The following SPAG9 variants were observed in gnomAD, a reference collection of about 807,000 sequenced individuals.
SPAG9 encodes C-Jun-amino-terminal kinase-interacting protein 4.
SPAG9 carries 35 observed loss-of-function variants against 166.5 expected under a neutral mutation model. The observed-to-expected ratio is 0.21, with a 90% CI of 0.16 to 0.28. The LOEUF is 0.28. Ranked by LOEUF, SPAG9 falls within the 10% of genes least tolerant of loss-of-function variation. SPAG9 has a pLI of 1.00. For synonymous variants in SPAG9, 534 were observed against 565.5 expected (o/e 0.94, Z 0.79); for missense variants, 1,235 against 1,603.3 (o/e 0.77, Z 3.92).
chr17:51,007,503 ATAAT>A (rs2045276746), intron 9 of SPAG9, among the ~76,000 whole-genome samples, 177 bp from the exon 10 acceptor site: 1 of 152,128 alleles, frequency 6.6e-6, no homozygotes, highest in Non-Finnish European at 1.5e-5. Flanking sequence ...AAAATTATAA[ATAAT>A]TATTCATTAC....
At chr17:51,089,122 C>CAA (rs1220398997) in intron 1 of SPAG9, among the ~76,000 whole-genome samples, 3 of 144,824 alleles carry the variant, frequency 2.1e-5, no homozygotes, top group Non-Finnish European at 4.6e-5. Flanking sequence ...CACACACACA[C>CAA]AAAAAAAAAA....
chr17:51,018,053 G>A (rs1464716867), intron 8 of SPAG9, among the ~76,000 whole-genome samples: 1 of 152,090 alleles, frequency 6.6e-6, no homozygotes, highest in Non-Finnish European at 1.5e-5. Context: ...GAGCATCAAT[G>A]TATTTTGGAT....
Position 51,120,605 on chromosome 17 carries a change from C to T in SPAG9, c.52G>A (p.Ala18Thr). 2 of 1,612,790 alleles carry T rather than the reference C, an allele frequency of 1.2e-6. No homozygotes were observed. The highest frequency in any genetic ancestry group is 1.1e-5 in the South Asian group (1 of 90,938). The change falls in exon 1 of 30, where the codon GCC becomes ACC. Residue 18 changes from alanine (A) to threonine (T), a missense_variant. By Grantham distance (58) the Ala-to-Thr change is moderately conservative. Coordinates refer to ENST00000262013, the MANE Select transcript of SPAG9 (RefSeq NM_001130528.3). This position sits in a 1 kb window ranked among gnomAD's most constrained non-coding sequence, Gnocchi z 4.7. ...CCGGACACCCGCTCCGACATCACGGCCCCGGAGCCGCCGGGCTCCTCCTGA... is the reference window on the plus strand; with the variant it reads ...CCGGACACCCGCTCCGACATCACGGTCCCGGAGCCGCCGGGCTCCTCCTGA... ...VYQEEPGGSG[A>T]VMSERVSGLA...
chr17:51,024,643 G>A (rs1199945841), intron 6 of SPAG9, among the ~76,000 whole-genome samples: 1 of 150,880 alleles, frequency 6.6e-6, no homozygotes, highest in Non-Finnish European at 1.5e-5. Flanking sequence ...AACCCAGGAG[G>A]CAAAGGTTGC....
intron 1 of SPAG9, among the ~76,000 whole-genome samples, chr17:51,114,802 A>G (rs566825080): frequency 2.6e-5 from 4 of 152,144 alleles, no homozygotes; most frequent in African/African-American, 7.2e-5. Flanking sequence ...AAATACAAAA[A>G]TTAGCCGGGT....
chr17:51,012,319 C>T (rs2045518983), intron 9 of SPAG9, among the ~76,000 whole-genome samples: 1 of 152,138 alleles, frequency 6.6e-6, no homozygotes, highest in Non-Finnish European at 1.5e-5. Flanking sequence ...TGCCTGTAAT[C>T]CCAGCACTCT....
At chr17:51,098,395 C>T (rs930046121) in intron 1 of SPAG9, among the ~76,000 whole-genome samples, 1 of 142,354 alleles carries the variant, frequency 7.0e-6, no homozygotes, top group Non-Finnish European at 1.6e-5. Context: ...TAATCACAAA[C>T]ACCCTGAGTG....
Position 51,120,767 on chromosome 17 carries a change from G to T in SPAG9, c.-111C>A. ...GGGACGGGTACTAGGGCTGGAGCCC[G>T]GGCCGGGGCTGGGGCTGGGCCCGGC... On this transcript the variant is annotated 5_prime_UTR_variant, in exon 1 of 30. Coordinates refer to ENST00000262013, the MANE Select transcript of SPAG9 (RefSeq NM_001130528.3). The surrounding 1 kb of genome is among the most constrained non-coding windows in gnomAD (Gnocchi z 4.7). 6.3e-6 allele frequency: 6 copies of T among 955,110 alleles called. No homozygotes were observed. The highest frequency in any genetic ancestry group is 1.9e-5 in the South Asian group (1 of 52,472). 59.2% of individuals were successfully genotyped at this position (955,110 alleles called of 1,614,324 possible). A position where few individuals can be genotyped will look rare whatever the true frequency, so the allele number is the denominator to read the frequency against.
At chr17:51,008,110 A>G (rs2045303379) in intron 9 of SPAG9, among the ~76,000 whole-genome samples, 1 of 152,204 alleles carries the variant, frequency 6.6e-6, no homozygotes, top group Admixed American at 6.5e-5. Context: ...AACTATAATT[A>G]GATTGAAAAT....
chr17:50,994,160 A>G (rs1189447925), intron 18 of SPAG9, among the ~76,000 whole-genome samples: 1 of 151,894 alleles, frequency 6.6e-6, no homozygotes, highest in African/African-American at 2.4e-5. Context: ...ACCCAGGGGG[A>G]GGTAATTTAA....
intron 2 of SPAG9, among the ~76,000 whole-genome samples, chr17:51,061,612 CAAAAAAAAAAAAA>C (rs34010166): frequency 9.5e-5 from 3 of 31,726 alleles, no homozygotes; most frequent in African/African-American, 2.1e-4. Flanking sequence ...GCTCTGTCTC[CAAAAAAAAAAAAA>C]AAAAAAAAAA....
Position 50,984,951 on chromosome 17 carries a change from G to A in SPAG9, c.3060C>T (p.Gly1020=). The change falls in exon 24 of 30, where the codon GGC becomes GGT. Residue 1020 remains glycine (G), a synonymous_variant. Coordinates refer to ENST00000262013, the MANE Select transcript of SPAG9 (RefSeq NM_001130528.3). Reference sequence around the variant, plus strand: ...CTCCTCTGTGAAAGATTGCAAGGGTGCCGTCAGCCAGGGCTACTAACACGA... The same window carrying A: ...CTCCTCTGTGAAAGATTGCAAGGGTACCGTCAGCCAGGGCTACTAACACGA... ...KGIVLVALAD[G]TLAIFHRGVD... is the part of the protein sequence containing the mutation. 1.2e-6 allele frequency: 2 copies of A among 1,614,148 alleles called. No individual in the cohort carries two copies. The highest frequency in any genetic ancestry group is 1.7e-6 in the Non-Finnish European group (2 of 1,179,996).
intron 28 of SPAG9, among the ~76,000 whole-genome samples, chr17:50,972,831 G>C (rs1409351522): frequency 2.0e-5 from 3 of 152,262 alleles, no homozygotes; most frequent in African/African-American, 7.2e-5. Context: ...TGCCACAGAA[G>C]CAAGAGCACA....
chr17:51,098,287 T>A (rs757593504), intron 1 of SPAG9, among the ~76,000 whole-genome samples: 51 of 152,096 alleles, frequency 3.4e-4, no homozygotes, highest in Non-Finnish European at 5.9e-5. Context: ...AGCGGGCTGA[T>A]TGTTTTTGGT....
At chr17:50,991,919 A>G (rs1485949492) in intron 19 of SPAG9, among the ~76,000 whole-genome samples, 3 of 119,412 alleles carry the variant, frequency 2.5e-5, no homozygotes, top group East Asian at 2.4e-4. Flanking sequence ...CCACCATGCC[A>G]GGTCTTTTTT....
At chr17:51,029,181 GA>G (rs1195126180) in intron 6 of SPAG9, among the ~76,000 whole-genome samples, 3 of 151,420 alleles carry the variant, frequency 2.0e-5, no homozygotes, top group African/African-American at 4.9e-5. Context: ...ATTGTGCTTT[GA>G]AAAAAAATAG....
intron 6 of SPAG9, among the ~76,000 whole-genome samples, chr17:51,027,106 T>C (rs772269131): frequency 1.1e-4 from 17 of 152,182 alleles, no homozygotes; most frequent in Non-Finnish European, 2.1e-4. Context: ...CACAATATTC[T>C]TGCATTATAC....
intron 6 of SPAG9, among the ~76,000 whole-genome samples, chr17:51,029,242 A>G (rs1280255713): frequency 6.6e-6 from 1 of 152,302 alleles, no homozygotes; most frequent in East Asian, 1.9e-4. Context: ...CAACACCACT[A>G]ATCACTGGAG....
intron 1 of SPAG9, among the ~76,000 whole-genome samples, chr17:51,080,711 T>A (rs1689092737): frequency 6.6e-6 from 1 of 151,796 alleles, no homozygotes; most frequent in South Asian, 2.1e-4. Context: ...TGAAACCCTG[T>A]CTCCACTAAA....
Sources: allele counts gnomAD v4.1 joint callset (sites outside exome capture counted in the v4.1 genomes callset), GRCh38; gene constraint gnomAD v4.1.1; non-coding constraint Gnocchi (gnomAD v3.1); transcripts MANE v1.5; gene names NCBI Gene and HGNC (gene_info 2026-07-23, HGNC 2026-07-21).